Variants in MED13L observed in about 807,000 individuals in gnomAD.
MED13L encodes mediator complex subunit 13L.
MED13L carries 7 observed loss-of-function variants against 220.9 expected under a neutral mutation model. The observed-to-expected ratio is 0.03, with a 90% CI of 0.02 to 0.06. The LOEUF (loss-of-function observed/expected upper bound fraction) is 0.06. Among genes scored for constraint, MED13L ranks in the 10% least tolerant of loss-of-function variants. MED13L has a pLI of 1.00. For synonymous variants in MED13L, 1,011 were observed against 1,015.2 expected, an observed-to-expected ratio of 1.00 and a Z score of 0.08; for missense variants, 1,965 against 2,760.5, an observed-to-expected ratio of 0.71 and a Z score of 6.46.
intron 4 of MED13L, among the ~76,000 whole-genome samples, chr12:116,044,686 T>C (rs544108425): frequency 1.7e-4 from 26 of 152,314 alleles, no homozygotes; most frequent in Non-Finnish European, 2.6e-4. Flanking sequence ...TAGAAAAATA[T>C]TGTCATCCTC....
rs1300693929 is a variant in MED13L, at chr12:116,205,944, T to G, written c.310+31524A>C. ...ATGCACTGCATAACTAAAAACTTGT[T>G]TTTTTTTTTTTTTTGCTTCCTTTGT... On this transcript the variant is annotated intron_variant, in intron 2 of 30. Coordinates refer to ENST00000281928, the MANE Select transcript of MED13L (RefSeq NM_015335.5). Among the ~76,000 whole-genome samples the G allele has an allele frequency of 2.0e-3, 111 of 56,048 alleles. No individual in the cohort carries two copies. In the African/African-American group the frequency reaches 0.037, roughly 19 times the overall value. The allele number at this position is 56,048 out of a possible 152,430, so 36.8% of individuals were successfully genotyped here.
At chr12:115,990,682 G>C (rs888823434) in intron 17 of MED13L, among the ~76,000 whole-genome samples, 1 of 152,148 alleles carries the variant, frequency 6.6e-6, no homozygotes, top group African/African-American at 2.4e-5. Flanking sequence ...GAAGAATGGT[G>C]GATTTAAGCA....
chr12:115,959,161 A>C lies in MED13L; in HGVS notation c.*2105T>G, dbSNP rs540849976. Reference sequence around the variant, plus strand: ...AGAAGTACATAATAAGATTTTTTAAAATCTATTGCCATTCATTTATTTTTG... The same window carrying C: ...AGAAGTACATAATAAGATTTTTTAACATCTATTGCCATTCATTTATTTTTG... On this transcript the variant is annotated 3_prime_UTR_variant, in exon 31 of 31. Transcript: ENST00000281928. 2 of 152,712 alleles carry C rather than the reference A, an allele frequency of 1.3e-5. No homozygotes were observed. The highest frequency in any genetic ancestry group is 3.9e-4 in the East Asian group (2 of 5,188). 9.5% of individuals were successfully genotyped at this position (152,712 alleles called of 1,614,324 possible).
At chr12:116,158,539 C>G (rs747196899) in intron 2 of MED13L, among the ~76,000 whole-genome samples, 26 of 152,076 alleles carry the variant, frequency 1.7e-4, no homozygotes, top group African/African-American at 7.2e-5. Flanking sequence ...TTAAACAATA[C>G]ATGGTATTAA....
In MED13L at chr12:115,975,288, G is replaced by A. The variant is rs1876857794; in HGVS notation, c.5614C>T (p.Arg1872Cys). ...NRSRRSKVSA[R>C]KIGLQKLWEW... ...CATAACTTCTGTAGTCCAATTTTACGTGCAGATACTTTACTCCTCCGTGAC... is the reference window on the plus strand; with the variant it reads ...CATAACTTCTGTAGTCCAATTTTACATGCAGATACTTTACTCCTCCGTGAC... Residue 1872 changes from arginine to cysteine, a missense_variant, in exon 25 of 31, where the codon CGT becomes TGT. This residue lies in a region of MED13L where 510 missense variants were observed against 620.4 expected (regional missense o/e 0.82). Transcript: ENST00000281928. 3.7e-6 allele frequency: 6 copies of A among 1,614,024 alleles called. No homozygotes were observed. The highest frequency in any genetic ancestry group is 5.1e-6 in the Non-Finnish European group (6 of 1,179,978).
At chr12:116,239,414 AT>A (rs1240199109) in intron 1 of MED13L, among the ~76,000 whole-genome samples, 2 of 152,178 alleles carry the variant, frequency 1.3e-5, no homozygotes, top group Non-Finnish European at 2.9e-5. Context: ...ATCCTACTGT[AT>A]ATGTCCTTCC....
At chr12:116,053,988 C>G (rs2058183037) in intron 4 of MED13L, among the ~76,000 whole-genome samples, 1 of 152,130 alleles carries the variant, frequency 6.6e-6, no homozygotes, top group African/African-American at 2.4e-5. Flanking sequence ...CCTACAAGTC[C>G]AGTGTTTCAT....
intron 2 of MED13L, among the ~76,000 whole-genome samples, chr12:116,151,941 G>A (rs1878072981): frequency 6.6e-6 from 1 of 152,126 alleles, no homozygotes; most frequent in South Asian, 2.1e-4. Flanking sequence ...ACAAATTTCT[G>A]AATGCCAAAT....
chr12:116,060,656 ATTAACTGAAAGTACTAC>A (rs897623319), intron 4 of MED13L, among the ~76,000 whole-genome samples: 2 of 152,140 alleles, frequency 1.3e-5, no homozygotes, highest in Non-Finnish European at 2.9e-5. Flanking sequence ...TCACATTACA[ATTAACTGAAAGTACTAC>A]TTTGGGTTAA....
chr12:116,172,927 CAAAAA>C (rs560335454), intron 2 of MED13L, among the ~76,000 whole-genome samples: 17 of 60,022 alleles, frequency 2.8e-4, no homozygotes, highest in African/African-American at 1.2e-3. Flanking sequence ...CCATTTAAGA[CAAAAA>C]AAAAAAAAAA....
chr12:116,012,352 A>G (rs1051580130), intron 9 of MED13L, among the ~76,000 whole-genome samples: 4 of 152,248 alleles, frequency 2.6e-5, no homozygotes, highest in African/African-American at 9.6e-5. Flanking sequence ...TTTAGCTTTT[A>G]GCAGTTGTGA....
At position 115,983,158 on chromosome 12, in the gene MED13L, A is replaced by G; in HGVS notation, c.4914T>C (p.Pro1638=). The change falls in exon 21 of 31, where the codon CCT becomes CCC. Residue 1638 remains proline (P), a synonymous_variant. Coordinates refer to ENST00000281928, the MANE Select transcript of MED13L (RefSeq NM_015335.5). ...GNIGCGGDTD[P]GQSSSQPSQD... ...GTGAGGGCTGAGAAGAGCTCTGCCC[A>G]GGGTCAGTGTCTCCACCACAGCCTA... The G allele has an allele frequency of 1.2e-6, 2 of 1,614,128 alleles. No homozygotes were observed. Among genetic ancestry groups the G allele is most frequent in the South Asian group, 2.2e-5 (2 of 91,072 alleles).
intron 4 of MED13L, among the ~76,000 whole-genome samples, chr12:116,052,367 G>A (rs1416020982): frequency 6.6e-6 from 1 of 152,144 alleles, no homozygotes; most frequent in Non-Finnish European, 1.5e-5. Flanking sequence ...TACAAGAAGT[G>A]GGTCTCTCGC....
chr12:116,177,395 CTG>C (rs1356464426), intron 2 of MED13L, among the ~76,000 whole-genome samples: 3 of 152,186 alleles, frequency 2.0e-5, no homozygotes, highest in African/African-American at 7.2e-5. Flanking sequence ...CATTGAGTCT[CTG>C]TCTCAGAAAT....
At chr12:116,004,675 C>A (rs971726031) in intron 13 of MED13L, among the ~76,000 whole-genome samples, 1 of 149,480 alleles carries the variant, frequency 6.7e-6, no homozygotes, top group Non-Finnish European at 1.5e-5. Context: ...AAGGCTCATT[C>A]CACACTTAAA....
At chr12:116,101,148 T>G (rs1335221324) in intron 3 of MED13L, among the ~76,000 whole-genome samples, 1 of 152,184 alleles carries the variant, frequency 6.6e-6, no homozygotes, top group Non-Finnish European at 1.5e-5. Context: ...TATTCATTCT[T>G]TCTGTCCCGA....
intron 3 of MED13L, among the ~76,000 whole-genome samples, chr12:116,100,110 T>G (rs115083031): frequency 6.6e-6 from 1 of 152,134 alleles, no homozygotes; most frequent in Non-Finnish European, 1.5e-5. Flanking sequence ...AGATGGGAGA[T>G]ACACACACAG....
chr12:116,153,218 G>C (rs909516559), intron 2 of MED13L, among the ~76,000 whole-genome samples: 1 of 152,190 alleles, frequency 6.6e-6, no homozygotes, highest in African/African-American at 2.4e-5. Flanking sequence ...CCTGGTTAAA[G>C]AGTCTCTGTC....
chr12:116,078,482 T>C (rs924658580), intron 4 of MED13L, among the ~76,000 whole-genome samples: 4 of 152,220 alleles, frequency 2.6e-5, no homozygotes, highest in African/African-American at 9.6e-5. Context: ...CTAGACTTTG[T>C]AGATGCGTGG....
Sources: gnomAD v4.1 joint callset for allele counts (sites outside exome capture counted in the v4.1 genomes callset) on GRCh38, gnomAD v4.1.1 for gene constraint, gnomAD v4.1.1 regional missense constraint, MANE v1.5 for transcripts, NCBI Gene and HGNC (gene_info 2026-07-23, HGNC 2026-07-21) for gene names.